Variants in SPAG16 observed in about 807,000 individuals in gnomAD.
SPAG16 encodes sperm-associated antigen 16 protein.
In SPAG16, 86 loss-of-function variants were observed where a neutral mutation model predicts 80.4. The observed-to-expected ratio is 1.07, with a 90% CI of 0.90 to 1.28. The LOEUF (loss-of-function observed/expected upper bound fraction) is 1.28. SPAG16 is among the 50% of genes most tolerant of loss of function. SPAG16 has a pLI of 0.00. For missense variants in SPAG16, 870 were observed against 765.3 expected, an observed-to-expected ratio of 1.14 and a Z score of -1.61; for synonymous variants, 294 against 265.9, an observed-to-expected ratio of 1.11 and a Z score of -1.03.
intron 13 of SPAG16, among the ~76,000 whole-genome samples, chr2:214,021,986 G>A (rs938845796): frequency 6.6e-6 from 1 of 152,026 alleles, no homozygotes; most frequent in Non-Finnish European, 1.5e-5. Context: ...CATCCTTAAA[G>A]GTTCACTTCA....
At chr2:213,428,612 A>G (rs76076493) in intron 9 of SPAG16, among the ~76,000 whole-genome samples, 3,529 of 152,292 alleles carry the variant, frequency 0.023, 56 homozygotes, top group South Asian at 0.038. Context: ...GCATTTTAAT[A>G]GGGCTCTCTC....
At chr2:214,375,797 A>G (rs879526567) in intron 15 of SPAG16, among the ~76,000 whole-genome samples, 12 of 152,166 alleles carry the variant, frequency 7.9e-5, no homozygotes, top group Non-Finnish European at 1.6e-4. Context: ...CTTTTTTAAC[A>G]TATCTACAGT....
At chr2:213,420,756 T>C (rs1284538807) in intron 9 of SPAG16, among the ~76,000 whole-genome samples, 1 of 152,242 alleles carries the variant, frequency 6.6e-6, no homozygotes, top group Non-Finnish European at 1.5e-5. Flanking sequence ...GGGTTAGTTT[T>C]AGTAACTTTT....
At chr2:213,675,262 T>A (rs2064003216) in intron 10 of SPAG16, among the ~76,000 whole-genome samples, 1 of 152,186 alleles carries the variant, frequency 6.6e-6, no homozygotes, top group Admixed American at 6.5e-5. Flanking sequence ...TTTGTTTGAG[T>A]TCATTGTAGA....
At chr2:213,766,849 C>G (rs138359423) in intron 10 of SPAG16, among the ~76,000 whole-genome samples, 1 of 152,300 alleles carries the variant, frequency 6.6e-6, no homozygotes, top group Non-Finnish European at 1.5e-5. Context: ...GGACTGAATT[C>G]TGGCCTGCAG....
At chr2:213,712,549 C>T (rs1471026524) in intron 10 of SPAG16, among the ~76,000 whole-genome samples, 1 of 152,144 alleles carries the variant, frequency 6.6e-6, no homozygotes, top group Non-Finnish European at 1.5e-5. Context: ...ACCCTCTACA[C>T]GTAGTAAGAC....
chr2:214,320,933 A>G (rs1696052394), intron 15 of SPAG16, among the ~76,000 whole-genome samples: 2 of 152,216 alleles, frequency 1.3e-5, no homozygotes, highest in South Asian at 4.1e-4. Flanking sequence ...AAGAAAATAA[A>G]TGTAAAGTAT....
chr2:214,103,047 T>C (rs993523463), intron 13 of SPAG16, among the ~76,000 whole-genome samples: 1 of 152,084 alleles, frequency 6.6e-6, no homozygotes, highest in African/African-American at 2.4e-5. Context: ...GCATGCAGTG[T>C]GTTTAGGGAG....
intron 15 of SPAG16, among the ~76,000 whole-genome samples, chr2:214,407,027 G>A (rs147395055): frequency 1.8e-3 from 276 of 151,938 alleles, no homozygotes; most frequent in African/African-American, 6.5e-3. Flanking sequence ...TCCATTCTGT[G>A]AAAAGTATGA....
intron 15 of SPAG16, among the ~76,000 whole-genome samples, chr2:214,196,155 C>T (rs2057831801): frequency 2.0e-5 from 3 of 151,896 alleles, no homozygotes; most frequent in South Asian, 2.1e-4. Context: ...TTGTATGCCT[C>T]GGGAAGGTGG....
At chr2:213,288,846 A>G (rs572722116) in intron 1 of SPAG16, among the ~76,000 whole-genome samples, 1 of 152,316 alleles carries the variant, frequency 6.6e-6, no homozygotes, top group South Asian at 2.1e-4. Context: ...TGTATTTCTT[A>G]TCACTGGAAC....
At chr2:214,176,005 A>G (rs1037024825) in intron 15 of SPAG16, among the ~76,000 whole-genome samples, 2 of 151,544 alleles carry the variant, frequency 1.3e-5, no homozygotes, top group South Asian at 4.1e-4. Context: ...ATCCCATAAT[A>G]AAAACATTTT....
chr2:213,765,893 A>G (rs1559450979), intron 10 of SPAG16, among the ~76,000 whole-genome samples: 1 of 152,212 alleles, frequency 6.6e-6, no homozygotes, highest in African/African-American at 2.4e-5. Flanking sequence ...TTAGGACAAT[A>G]GGATTAGGGA....
intron 11 of SPAG16, among the ~76,000 whole-genome samples, chr2:213,892,779 C>T (rs750850675): frequency 2.6e-5 from 4 of 151,666 alleles, no homozygotes; most frequent in Non-Finnish European, 4.4e-5. Context: ...GTCTAAAGAC[C>T]AAAAAAGATC....
chr2:213,447,670 T>C (rs2071414737), intron 9 of SPAG16, among the ~76,000 whole-genome samples: 1 of 152,228 alleles, frequency 6.6e-6, no homozygotes, highest in South Asian at 2.1e-4. Context: ...TTCTGCTTTG[T>C]TTACCTCCAG....
chr2:213,943,502 G>A (rs981514120), intron 12 of SPAG16, among the ~76,000 whole-genome samples: 3 of 152,144 alleles, frequency 2.0e-5, no homozygotes, highest in Admixed American at 2.0e-4. Context: ...GGACAATGGA[G>A]AAAAGGCACT....
chr2:214,115,876 CAAAA>C (rs34111831), intron 14 of SPAG16, among the ~76,000 whole-genome samples: 1 of 66,132 alleles, frequency 1.5e-5, no homozygotes, highest in Non-Finnish European at 3.0e-5. Flanking sequence ...GACTCCATCT[CAAAA>C]AAAAAAAAAA....
At chr2:213,713,431 G>GT (rs2125367626) in intron 10 of SPAG16, among the ~76,000 whole-genome samples, 1 of 152,298 alleles carries the variant, frequency 6.6e-6, no homozygotes, top group Non-Finnish European at 1.5e-5. Flanking sequence ...GTACTAAGGG[G>GT]CATTATAAGT....
At chr2:213,422,384 C>T (rs2069651967) in intron 9 of SPAG16, 1 of 666,202 alleles carries the variant, frequency 1.5e-6, no homozygotes, top group African/African-American at 1.8e-5. Context: ...TGCCCCACTG[C>T]AGCAGCTGGC....
Sources: gnomAD v4.1 joint callset for allele counts (sites outside exome capture counted in the v4.1 genomes callset) on GRCh38, gnomAD v4.1.1 for gene constraint, MANE v1.5 for transcripts, NCBI Gene and HGNC (gene_info 2026-07-23, HGNC 2026-07-21) for gene names.